The following CFAP20DC variants were observed in gnomAD, a reference collection of about 807,000 sequenced individuals.
CFAP20DC encodes protein CFAP20DC.
A neutral mutation model predicts 101.7 loss-of-function variants in CFAP20DC; 84 were observed. That is an observed-to-expected ratio of 0.83 (90% confidence interval 0.69 to 0.99). The LOEUF is 0.99. Among genes scored for constraint, CFAP20DC ranks in the 50% least tolerant of loss-of-function variants. The pLI, the probability that CFAP20DC is intolerant of heterozygous loss-of-function variation, is 0.00. For missense variants in CFAP20DC, 1,007 were observed against 970.3 expected, an observed-to-expected ratio of 1.04 and a Z score of -0.50; for synonymous variants, 359 against 351.2, an observed-to-expected ratio of 1.02 and a Z score of -0.25.
At chr3:58,875,304 A>AAT (rs372550477) in intron 7 of CFAP20DC, among the ~76,000 whole-genome samples, 112 of 152,328 alleles carry the variant, frequency 7.4e-4, no homozygotes, top group African/African-American at 2.4e-3. Context: ...CACGATTGAC[A>AAT]ATAGGAAGAA....
Position 58,763,437 on chromosome 3 carries a change from G to C in CFAP20DC, c.2238-9574C>G, listed in dbSNP as rs533409619. Among the ~76,000 whole-genome samples, 7 of 144,106 alleles carry C rather than the reference G, an allele frequency of 4.9e-5. No homozygotes were observed. In the Admixed American group the frequency reaches 5.0e-4, roughly 10 times the overall value. The allele number at this position is 144,106 out of a possible 152,430, so 94.5% of individuals were successfully genotyped here. On this transcript the variant is annotated intron_variant, in intron 15 of 16. Transcript: ENST00000482387. ...CATTGGTTATTCTAGTTAGCCATTC[G>C]TCTAATTTTTTTTCAAGGTTTTTAA...
chr3:58,982,189 A>C (rs1358746766), intron 4 of CFAP20DC, among the ~76,000 whole-genome samples: 1 of 152,254 alleles, frequency 6.6e-6, no homozygotes, highest in Non-Finnish European at 1.5e-5. Context: ...AATGGCAATC[A>C]TTAAAAAGTC....
chr3:58,948,246 C>T (rs1480473869), intron 4 of CFAP20DC, among the ~76,000 whole-genome samples: 1 of 152,224 alleles, frequency 6.6e-6, no homozygotes, highest in Non-Finnish European at 1.5e-5. Context: ...CATGCCTTTG[C>T]TTATGCACTT....
In CFAP20DC at chr3:58,974,807, C is replaced by G. The variant is rs564734858; in HGVS notation, c.279-37045G>C. Among the ~76,000 whole-genome samples the G allele has an allele frequency of 5.1e-4, 77 of 152,206 alleles. 1 individual carries two copies. Among genetic ancestry groups the G allele is most frequent in the African/African-American group, 1.8e-3 (76 of 41,520 alleles). On this transcript the variant is annotated intron_variant, in intron 4 of 16. Coordinates refer to ENST00000482387, the MANE Select transcript of CFAP20DC (RefSeq NM_001394063.1). ...AGTGGTCCTGGTTCTCTTGCCCAGC[C>G]CACTGCTACTGGGCCAGGTGAATAT...
rs141538456 is a variant in CFAP20DC, at chr3:59,012,989, C to T, written c.278+26568G>A. Among the ~76,000 whole-genome samples, 8 of 152,160 alleles carry T rather than the reference C, an allele frequency of 5.3e-5. No individual in the cohort carries two copies. The East Asian group carries it at 9.6e-4, about 18-fold the overall frequency. ...TAAAGTAGACACTGTTTTAAAAGAA[C>T]GCATAATTTCATGAAGACTTAGACA... On this transcript the variant is annotated intron_variant, in intron 4 of 16. Transcript: ENST00000482387.
At chr3:58,773,915 T>A (rs759982099) in intron 15 of CFAP20DC, among the ~76,000 whole-genome samples, 2 of 152,124 alleles carry the variant, frequency 1.3e-5, no homozygotes, top group African/African-American at 4.8e-5. Context: ...AGGAAACTCA[T>A]AGACTTTTTC....
intron 3 of CFAP20DC, among the ~76,000 whole-genome samples, chr3:59,044,725 C>T (rs140121717): frequency 6.8e-4 from 103 of 151,892 alleles, no homozygotes; most frequent in African/African-American, 2.4e-3. Flanking sequence ...TGCATACATA[C>T]TGAGGGCATT....
At chr3:58,827,016 C>T (rs1471279171) in intron 14 of CFAP20DC, among the ~76,000 whole-genome samples, 1 of 152,076 alleles carries the variant, frequency 6.6e-6, no homozygotes. Context: ...AGTGAAACTA[C>T]TCTGTATGAT....
chr3:58,934,064 G>A (rs1051128718), intron 5 of CFAP20DC, among the ~76,000 whole-genome samples: 1 of 151,982 alleles, frequency 6.6e-6, no homozygotes, highest in Admixed American at 6.6e-5. Context: ...AATCAAATAG[G>A]TGGAATAAAA....
chr3:58,903,002 A>G (rs1456192227), intron 6 of CFAP20DC, among the ~76,000 whole-genome samples: 1 of 152,120 alleles, frequency 6.6e-6, no homozygotes, highest in Non-Finnish European at 1.5e-5. Flanking sequence ...CGGGTACTAG[A>G]ATATACTAGA....
chr3:58,932,861 T>A (rs1234969287), intron 5 of CFAP20DC, among the ~76,000 whole-genome samples: 1 of 152,092 alleles, frequency 6.6e-6, no homozygotes, highest in Non-Finnish European at 1.5e-5. Context: ...AGAAACTGCA[T>A]CAACTAATGA....
chr3:58,969,213 C>T (rs2091791677), intron 4 of CFAP20DC, among the ~76,000 whole-genome samples: 1 of 152,028 alleles, frequency 6.6e-6, no homozygotes, highest in Admixed American at 6.6e-5. Flanking sequence ...AGAAGGTATA[C>T]AAATGGCCAA....
At chr3:58,941,146 T>A (rs1043093302) in intron 4 of CFAP20DC, among the ~76,000 whole-genome samples, 1 of 151,176 alleles carries the variant, frequency 6.6e-6, no homozygotes. Context: ...CTGGTCAACA[T>A]GGTGAAACCT....
chr3:58,748,799 T>C (rs976701342), intron 16 of CFAP20DC, among the ~76,000 whole-genome samples: 1 of 152,198 alleles, frequency 6.6e-6, no homozygotes, highest in Non-Finnish European at 1.5e-5. Flanking sequence ...ATAGGGATTC[T>C]GTGGTCACAC....
At chr3:58,879,420 C>T (rs962555370) in intron 7 of CFAP20DC, among the ~76,000 whole-genome samples, 4 of 152,126 alleles carry the variant, frequency 2.6e-5, no homozygotes, top group African/African-American at 9.7e-5. Flanking sequence ...GTGCTTAGAA[C>T]GCAATAACAA....
intron 4 of CFAP20DC, among the ~76,000 whole-genome samples, chr3:58,942,138 C>A (rs1033954084): frequency 2.6e-5 from 4 of 151,982 alleles, no homozygotes; most frequent in Non-Finnish European, 5.9e-5. Context: ...TGTTTTTCAC[C>A]TTTATTCTGT....
intron 13 of CFAP20DC, among the ~76,000 whole-genome samples, chr3:58,844,728 C>A (rs2077466154): frequency 7.6e-6 from 1 of 131,562 alleles, no homozygotes; most frequent in South Asian, 2.5e-4. Context: ...AGCACCACAC[C>A]ACACCTAGTC....
chr3:59,034,295 CA>C (rs2094053007), intron 4 of CFAP20DC, among the ~76,000 whole-genome samples: 1 of 152,082 alleles, frequency 6.6e-6, no homozygotes, highest in Non-Finnish European at 1.5e-5. Flanking sequence ...AACTAAGGGG[CA>C]AAATAACCAG....
chr3:58,842,224 G>C (rs555371374), intron 13 of CFAP20DC, among the ~76,000 whole-genome samples: 1 of 152,162 alleles, frequency 6.6e-6, no homozygotes, highest in African/African-American at 2.4e-5. Flanking sequence ...CGCAGAAGAC[G>C]GGTGATTTCT....
Sources: allele counts gnomAD v4.1 joint callset (sites outside exome capture counted in the v4.1 genomes callset), GRCh38; gene constraint gnomAD v4.1.1; transcripts MANE v1.5; gene names NCBI Gene and HGNC (gene_info 2026-07-23, HGNC 2026-07-21).